Variants in JHY observed in about 807,000 individuals in gnomAD.
JHY encodes the protein jhy protein homolog.
In JHY, 69 loss-of-function variants were observed where a neutral mutation model predicts 78.0. The ratio of observed to expected loss-of-function variants is 0.88; its 90% CI spans 0.73 to 1.08. JHY has a LOEUF of 1.08. Among genes scored for constraint, JHY ranks in the 50% least tolerant of loss-of-function variants. The probability of loss-of-function intolerance (pLI) is 0.00; values close to 1 mark genes in which losing one functional copy is unlikely to be tolerated. For missense variants in JHY, 944 were observed against 927.8 expected, an observed-to-expected ratio of 1.02 and a Z score of -0.23; for synonymous variants, 368 against 342.6, an observed-to-expected ratio of 1.07 and a Z score of -0.82.
chr11:122,942,679 C>T (rs1420131551), intron 5 of JHY, among the ~76,000 whole-genome samples: 1 of 152,098 alleles, frequency 6.6e-6, no homozygotes, highest in Admixed American at 6.6e-5. Flanking sequence ...CTGCCTTGGC[C>T]TCCCAAAGTG....
chr11:122,935,027 T>G lies in JHY; in HGVS notation c.1586T>G (p.Leu529Arg). Residue 529 changes from leucine (L) to arginine (R), a missense_variant, in exon 5 of 9, where the codon CTC (leucine) becomes CGC (arginine). By Grantham distance (102) the Leu-to-Arg change is moderately radical (BLOSUM62 -2). Transcript: ENST00000227349. The surrounding 1 kb of genome is among the most constrained non-coding windows in gnomAD (Gnocchi z 4.5). Reference sequence around the variant, plus strand: ...GGATCAACCAAAAATAAGAAACAACTCAAACAGCCTTATACAGAGACAAAA... The same window carrying G: ...GGATCAACCAAAAATAAGAAACAACGCAAACAGCCTTATACAGAGACAAAA... ...THGSTKNKKQ[L>R]KQPYTETKYR... The G allele has an allele frequency of 6.2e-7, 1 of 1,608,756 alleles. No homozygotes were observed. Among genetic ancestry groups the G allele is most frequent in the Non-Finnish European group, 8.5e-7 (1 of 1,178,590 alleles).
chr11:122,941,462 T>C (rs1205942970), intron 5 of JHY, among the ~76,000 whole-genome samples: 1 of 152,208 alleles, frequency 6.6e-6, no homozygotes, highest in Non-Finnish European at 1.5e-5. Context: ...CTACAGTATA[T>C]GTACAAATAG....
intron 3 of JHY, among the ~76,000 whole-genome samples, chr11:122,916,758 G>C (rs1210824719): frequency 6.6e-6 from 1 of 152,054 alleles, no homozygotes; most frequent in Non-Finnish European, 1.5e-5. Context: ...TCATGGCTCA[G>C]CCACCGAGTA....
At chr11:122,901,123 T>C (rs896155272) in intron 2 of JHY, among the ~76,000 whole-genome samples, 1 of 152,234 alleles carries the variant, frequency 6.6e-6, no homozygotes, top group Non-Finnish European at 1.5e-5. Context: ...ATTTGTGCAA[T>C]GTGTTACTAT....
chr11:122,934,345 TAA>T (rs760422785), intron 4 of JHY, 73 bp from the exon 5 acceptor site: 63,189 of 720,986 alleles, frequency 0.088, 3,434 homozygotes, highest in Middle Eastern at 0.11. Flanking sequence ...AATAAATAAA[TAA>T]ATAAATAATA....
intron 3 of JHY, among the ~76,000 whole-genome samples, chr11:122,904,975 A>G (rs143595095): frequency 0.013 from 1,921 of 152,206 alleles, 29 homozygotes; most frequent in Non-Finnish European, 0.019. Context: ...GATTCTGTAT[A>G]CATATTGGGC....
chr11:122,953,255 A>AT (rs1038749552), intron 6 of JHY, among the ~76,000 whole-genome samples: 7 of 152,202 alleles, frequency 4.6e-5, no homozygotes, highest in East Asian at 1.9e-4. Context: ...CACATTTAAA[A>AT]ATATATATAT....
chr11:122,894,186 A>T (rs2135289516), intron 2 of JHY, among the ~76,000 whole-genome samples: 1 of 152,074 alleles, frequency 6.6e-6, no homozygotes, highest in East Asian at 1.9e-4. Context: ...CCGGGCCCAT[A>T]ATCCCAGCTA....
chr11:122,948,014 C>T (rs2169354), intron 6 of JHY, among the ~76,000 whole-genome samples: 1 of 152,152 alleles, frequency 6.6e-6, no homozygotes, highest in Non-Finnish European at 1.5e-5. Flanking sequence ...TAGGGAGGAA[C>T]TCAGCTGTGA....
intron 6 of JHY, among the ~76,000 whole-genome samples, chr11:122,954,145 C>A (rs1015338358): frequency 6.6e-6 from 1 of 152,186 alleles, no homozygotes; most frequent in Non-Finnish European, 1.5e-5. Context: ...GGTGGTTCCA[C>A]AGCTCAGAAC....
intron 1 of JHY, among the ~76,000 whole-genome samples, chr11:122,885,299 C>T (rs1297646353): frequency 6.6e-6 from 1 of 152,136 alleles, no homozygotes; most frequent in East Asian, 1.9e-4. Context: ...AAACTACACT[C>T]TTCTTTCTTC....
chr11:122,900,266 A>T (rs548356344), intron 2 of JHY, among the ~76,000 whole-genome samples: 5 of 152,358 alleles, frequency 3.3e-5, no homozygotes, highest in Admixed American at 3.3e-4. Flanking sequence ...GTTGCTTTAC[A>T]TCAAATCAAA....
intron 7 of JHY, 140 bp from the exon 8 acceptor site, chr11:122,957,223 A>G (rs184473362): frequency 1.1e-6 from 1 of 889,210 alleles, no homozygotes; most frequent in Admixed American, 3.6e-5. Context: ...CACTGCTGCC[A>G]CCTTACTCAA....
intron 4 of JHY, among the ~76,000 whole-genome samples, chr11:122,932,688 A>G (rs908853518): frequency 1.4e-4 from 21 of 152,202 alleles, no homozygotes; most frequent in African/African-American, 4.8e-4. Flanking sequence ...AGCCATAAAA[A>G]GAGCTGCTAT....
intron 3 of JHY, among the ~76,000 whole-genome samples, chr11:122,908,466 C>T (rs1372153380): frequency 6.6e-6 from 1 of 152,154 alleles, no homozygotes; most frequent in African/African-American, 2.4e-5. Context: ...GCAGAGTGTG[C>T]ATTTCTGACA....
intron 1 of JHY, among the ~76,000 whole-genome samples, chr11:122,884,796 T>C (rs1211961487): frequency 1.3e-5 from 2 of 152,072 alleles, no homozygotes; most frequent in Non-Finnish European, 2.9e-5. Context: ...AATCTTTTGT[T>C]GAACAGTTTT....
intron 6 of JHY, among the ~76,000 whole-genome samples, chr11:122,950,923 G>T (rs897374909): frequency 6.6e-6 from 1 of 152,164 alleles, no homozygotes; most frequent in Non-Finnish European, 1.5e-5. Flanking sequence ...GTTACAATCT[G>T]TATATCCATT....
chr11:122,952,995 A>G (rs926868523), intron 6 of JHY, among the ~76,000 whole-genome samples: 1 of 152,238 alleles, frequency 6.6e-6, no homozygotes, highest in Non-Finnish European at 1.5e-5. Context: ...ATGTGAAAAT[A>G]CCCAGTATAA....
chr11:122,919,352 CAAAAAAA>C (rs72233254), intron 3 of JHY, among the ~76,000 whole-genome samples: 8 of 70,090 alleles, frequency 1.1e-4, no homozygotes, highest in East Asian at 4.4e-4. Context: ...GACTCTGTCT[CAAAAAAA>C]AAAAAAAAAA....
Sources: gnomAD v4.1 joint callset for allele counts (sites outside exome capture counted in the v4.1 genomes callset) on GRCh38, gnomAD v4.1.1 for gene constraint, Gnocchi (gnomAD v3.1) non-coding constraint, MANE v1.5 for transcripts, NCBI Gene and HGNC (gene_info 2026-07-23, HGNC 2026-07-21) for gene names.